The following KCNT2 variants were observed in gnomAD, a reference collection of about 807,000 sequenced individuals.
The protein encoded by KCNT2 is potassium sodium-activated channel subfamily T member 2.
KCNT2 carries 67 observed loss-of-function variants against 153.8 expected under a neutral mutation model. That is an observed-to-expected ratio of 0.44 (90% CI 0.36 to 0.53). The LOEUF (loss-of-function observed/expected upper bound fraction) is 0.53. Ranked by LOEUF, KCNT2 falls within the 20% of genes least tolerant of loss-of-function variation. The pLI is 0.00. For missense variants in KCNT2, 975 were observed against 1,354.8 expected, an observed-to-expected ratio of 0.72 and a Z score of 4.40; for synonymous variants, 500 against 458.8, an observed-to-expected ratio of 1.09 and a Z score of -1.15.
intron 5 of KCNT2, among the ~76,000 whole-genome samples, chr1:196,471,158 C>T (rs1417196009): frequency 2.6e-5 from 4 of 151,972 alleles, no homozygotes; most frequent in East Asian, 1.9e-4. Flanking sequence ...CCGCCCGCCT[C>T]GGCCTCCCAA....
intron 8 of KCNT2, among the ~76,000 whole-genome samples, chr1:196,431,987 G>T (rs1231309300): frequency 6.6e-6 from 1 of 152,036 alleles, no homozygotes; most frequent in African/African-American, 2.4e-5. Flanking sequence ...CCTCATCACA[G>T]GACCAGAGTG....
intron 19 of KCNT2, among the ~76,000 whole-genome samples, chr1:196,325,729 T>G (rs950841964): frequency 2.6e-5 from 4 of 152,130 alleles, no homozygotes; most frequent in Non-Finnish European, 5.9e-5. Flanking sequence ...AGTAATCATA[T>G]CTGAAAATTC....
intron 1 of KCNT2, among the ~76,000 whole-genome samples, chr1:196,539,074 C>T (rs1257063803): frequency 6.6e-6 from 1 of 151,986 alleles, no homozygotes. Flanking sequence ...TAAATACCTT[C>T]TCGAAGACAG....
intron 22 of KCNT2, among the ~76,000 whole-genome samples, chr1:196,291,474 G>T (rs981622567): frequency 6.6e-6 from 1 of 151,762 alleles, no homozygotes; most frequent in African/African-American, 2.4e-5. Flanking sequence ...TTTTAATTCT[G>T]GACAATGAAG....
intron 8 of KCNT2, among the ~76,000 whole-genome samples, chr1:196,432,835 T>A (rs1674280559): frequency 6.6e-6 from 1 of 152,076 alleles, no homozygotes; most frequent in Non-Finnish European, 1.5e-5. Context: ...AACTTAAGAC[T>A]TTAGGGGCTA....
chr1:196,325,581 A>G (rs1288689657), intron 19 of KCNT2, among the ~76,000 whole-genome samples: 7 of 152,126 alleles, frequency 4.6e-5, no homozygotes, highest in Non-Finnish European at 2.9e-5. Context: ...CCCACAATGC[A>G]ACTTTGATTG....
chr1:196,264,308 T>G (rs1381778265), intron 25 of KCNT2, among the ~76,000 whole-genome samples: 1 of 152,166 alleles, frequency 6.6e-6, no homozygotes. Context: ...TTTTTAATGG[T>G]TTGTCTTATT....
intron 5 of KCNT2, among the ~76,000 whole-genome samples, chr1:196,474,145 C>T (rs781688680): frequency 7.2e-5 from 11 of 151,968 alleles, no homozygotes; most frequent in African/African-American, 2.4e-4. Flanking sequence ...GAAAAATATG[C>T]GATTTTCTAA....
At chr1:196,279,124 T>C (rs1332793766) in intron 25 of KCNT2, among the ~76,000 whole-genome samples, 2 of 152,198 alleles carry the variant, frequency 1.3e-5, no homozygotes, top group South Asian at 2.1e-4. Context: ...CAGTCCATGG[T>C]ATTTTGTTAT....
intron 14 of KCNT2, among the ~76,000 whole-genome samples, chr1:196,351,690 CTTTA>C (rs2148218569): frequency 6.6e-6 from 1 of 152,084 alleles, no homozygotes; most frequent in South Asian, 2.1e-4. Context: ...ATTGAATACC[CTTTA>C]TTTCCTTCTC....
At chr1:196,482,472 C>A in intron 3 of KCNT2, 93 bp from the exon 4 acceptor site, 1 of 633,850 alleles carries the variant, frequency 1.6e-6, no homozygotes, top group Non-Finnish European at 2.6e-6. Context: ...TTAAAATATG[C>A]TAGCATAAAA....
At chr1:196,480,323 T>C (rs1678899379) in intron 4 of KCNT2, among the ~76,000 whole-genome samples, 1 of 152,200 alleles carries the variant, frequency 6.6e-6, no homozygotes, top group East Asian at 1.9e-4. Flanking sequence ...AATCTTTGAA[T>C]TTAAAAGAAT....
At chr1:196,536,532 G>A (rs1276965707) in intron 1 of KCNT2, among the ~76,000 whole-genome samples, 1 of 152,214 alleles carries the variant, frequency 6.6e-6, no homozygotes, top group Non-Finnish European at 1.5e-5. Flanking sequence ...ATGTCTAGGG[G>A]TGCCTCAGGC....
At chr1:196,579,748 C>T (rs1309481373) in intron 1 of KCNT2, among the ~76,000 whole-genome samples, 1 of 152,068 alleles carries the variant, frequency 6.6e-6, no homozygotes, top group Non-Finnish European at 1.5e-5. Flanking sequence ...CCACCTCTCC[C>T]TCCAAAAGTG....
At chr1:196,326,106 G>A (rs74136514) in intron 19 of KCNT2, among the ~76,000 whole-genome samples, 3,103 of 152,166 alleles carry the variant, frequency 0.02, 89 homozygotes, top group African/African-American at 0.07. Flanking sequence ...GGCTTTGACT[G>A]TCTCATTCAG....
intron 14 of KCNT2, among the ~76,000 whole-genome samples, chr1:196,347,423 C>A (rs564421974): frequency 6.6e-6 from 1 of 152,200 alleles, no homozygotes; most frequent in Admixed American, 6.6e-5. Context: ...ATTCTATCAC[C>A]CAGGTGTGAT....
chr1:196,505,508 C>T, intron 1 of KCNT2, among the ~76,000 whole-genome samples: 1 of 149,700 alleles, frequency 6.7e-6, no homozygotes, highest in East Asian at 2.0e-4. Flanking sequence ...AGTTTGAAGT[C>T]AGGTAGTGTG....
chr1:196,553,150 A>G (rs531454483), intron 1 of KCNT2, among the ~76,000 whole-genome samples: 2 of 151,268 alleles, frequency 1.3e-5, no homozygotes, highest in South Asian at 4.1e-4. Flanking sequence ...ACAAGACCCA[A>G]TGATCTACTG....
intron 27 of KCNT2, among the ~76,000 whole-genome samples, chr1:196,234,734 A>G (rs562766846): frequency 6.6e-6 from 1 of 151,592 alleles, no homozygotes; most frequent in African/African-American, 2.4e-5. Flanking sequence ...GCATGGATCC[A>G]TATTATGCTC....
Sources: allele counts gnomAD v4.1 joint callset (sites outside exome capture counted in the v4.1 genomes callset), GRCh38; gene constraint gnomAD v4.1.1; transcripts MANE v1.5; gene names NCBI Gene and HGNC (gene_info 2026-07-23, HGNC 2026-07-21).